The following COL20A1 variants were observed in gnomAD, a reference collection of about 807,000 sequenced individuals.
The protein encoded by COL20A1 is collagen type XX alpha 1 chain.
Under a neutral mutation model 152.9 loss-of-function variants are expected in COL20A1, and 164 were observed. That is an observed-to-expected ratio of 1.07 (90% CI 0.94 to 1.22). The LOEUF (loss-of-function observed/expected upper bound fraction) is 1.22, where lower values mean the gene tolerates loss of function less well. COL20A1 is among the 50% of genes most tolerant of loss of function. The pLI, the probability that COL20A1 is intolerant of heterozygous loss-of-function variation, is 0.00. For missense variants in COL20A1, 1,873 were observed against 1,744.8 expected (o/e 1.07, Z -1.31); for synonymous variants, 864 against 756.0 (o/e 1.14, Z -2.34).
chr20:63,320,269 A>G, intron 24 of COL20A1, 22 bp from the exon 25 acceptor site: 1 of 1,607,822 alleles, frequency 6.2e-7, no homozygotes, highest in Non-Finnish European at 8.5e-7. Flanking sequence ...CCCGGGGCTG[A>G]GCCGGCTCCC....
intron 27 of COL20A1, among the ~76,000 whole-genome samples, chr20:63,323,859 T>C (rs2068205297): frequency 6.6e-6 from 1 of 151,436 alleles, no homozygotes; most frequent in South Asian, 2.1e-4. Context: ...CAGTGAACTG[T>C]AGAATCGACT....
rs750394568 is a variant in COL20A1 at position 63,297,920 on chromosome 20, C to T, written c.93C>T (p.Leu31=). 3.7e-6 allele frequency: 6 copies of T among 1,613,364 alleles called. No homozygotes were observed. In the East Asian group the frequency reaches 1.1e-4, roughly 30 times the overall value. The part of the protein sequence containing the change: ...LGREQVQASG[L]LRLAVLPEDR... ...GTCCTGTTTCTGTAGCAAGCGGTCT[C>T]CTGAGGCTGGCTGTGCTGCCTGAGG... The change falls in exon 3 of 36, where the codon CTC becomes CTT. Residue 31 remains leucine, a synonymous_variant. Coordinates refer to ENST00000358894, the MANE Select transcript of COL20A1 (RefSeq NM_020882.4).
intron 31 of COL20A1, 28 bp from the exon 32 acceptor site, chr20:63,327,924 A>G (rs759160477): frequency 4.4e-6 from 7 of 1,579,942 alleles, no homozygotes; most frequent in Non-Finnish European, 4.3e-6. Context: ...ATCTCTGCTG[A>G]CTTCTTTTCT....
At chr20:63,299,006 TTCTC>T (rs1379916431) in intron 3 of COL20A1, among the ~76,000 whole-genome samples, 2 of 152,236 alleles carry the variant, frequency 1.3e-5, no homozygotes, top group Non-Finnish European at 2.9e-5. Flanking sequence ...TTTCAGAACA[TTCTC>T]TAAGTGGAAT....
intron 15 of COL20A1, 62 bp from the exon 16 acceptor site, chr20:63,312,730 C>T: frequency 6.7e-7 from 1 of 1,485,270 alleles, no homozygotes; most frequent in Non-Finnish European, 9.0e-7. Context: ...TGTGGCTGCC[C>T]CTCCTCTGAG....
At chr20:63,302,840 G>A (rs184864329) in intron 3 of COL20A1, among the ~76,000 whole-genome samples, 146 of 152,224 alleles carry the variant, frequency 9.6e-4, no homozygotes, top group Middle Eastern at 6.8e-3. Flanking sequence ...CGTTTAGCTC[G>A]CTCCTTCGTC....
chr20:63,314,288 C>T, intron 19 of COL20A1, 87 bp downstream of exon 19: 1 of 1,232,570 alleles, frequency 8.1e-7, no homozygotes, highest in South Asian at 1.4e-5. Flanking sequence ...CAGACTCATC[C>T]AACCCCAGAC....
chr20:63,321,974 A>C (rs1456887182), intron 26 of COL20A1, 84 bp from the exon 27 acceptor site: 1 of 1,138,284 alleles, frequency 8.8e-7, no homozygotes, highest in Non-Finnish European at 1.2e-6. Flanking sequence ...AGGGTGGGCC[A>C]GGCATGGGGC....
intron 27 of COL20A1, among the ~76,000 whole-genome samples, chr20:63,322,409 T>A (rs950912163): frequency 1.3e-4 from 20 of 152,302 alleles, no homozygotes; most frequent in African/African-American, 4.8e-4. Flanking sequence ...AATCTGAGGC[T>A]TGGGGAGGTG....
intron 21 of COL20A1, among the ~76,000 whole-genome samples, chr20:63,318,832 T>A (rs1027642803): frequency 5.3e-5 from 8 of 151,150 alleles, no homozygotes; most frequent in Admixed American, 1.3e-4. Flanking sequence ...TGTGGCCTCA[T>A]AGACCCTCAG....
In COL20A1 at chr20:63,305,284, C is replaced by T. The variant is rs776029403; in HGVS notation, c.194-133C>T. ...CATGTCCCTTCCATCAGACCCTCTCCCTTTCTGTCTCTCTGGCTTCAAGGG... is the reference window on the plus strand; with the variant it reads ...CATGTCCCTTCCATCAGACCCTCTCTCTTTCTGTCTCTCTGGCTTCAAGGG... On this transcript the variant is annotated intron_variant, in intron 3 of 35. Coordinates refer to ENST00000358894, the MANE Select transcript of COL20A1 (RefSeq NM_020882.4). The surrounding 1 kb of genome is among the most constrained non-coding windows in gnomAD (Gnocchi z 4.9). 80 of 648,958 alleles carry T rather than the reference C, an allele frequency of 1.2e-4. No homozygotes were observed. The highest frequency in any genetic ancestry group is 1.8e-4 in the Non-Finnish European group (74 of 416,956). The allele number at this position is 648,958 out of a possible 1,614,324, so 40.2% of individuals were successfully genotyped here.
rs909524476 is a variant in COL20A1, at chr20:63,311,099, C to T, written c.1394-295C>T. Among the ~76,000 whole-genome samples, 1 of 152,034 alleles carries T rather than the reference C, an allele frequency of 6.6e-6. No homozygotes were observed. Among genetic ancestry groups the T allele is most frequent in the Non-Finnish European group, 1.5e-5 (1 of 67,996 alleles). ...GACGTTTCCTGCAGGTGGAATCACA[C>T]AGTGCAGACTTTTGTGTCTGGGTGT... On this transcript the variant is annotated intron_variant, in intron 11 of 35. Coordinates refer to ENST00000358894, the MANE Select transcript of COL20A1 (RefSeq NM_020882.4). This position sits in a 1 kb window ranked among gnomAD's most constrained non-coding sequence, Gnocchi z 4.4.
At position 63,331,578 on chromosome 20, in the gene COL20A1, AT is replaced by A. The variant is rs777709149; in HGVS notation, c.*863del. ...TGTGTGAGCCTGGACTTCCTGCCTT[AT>A]CCCCACTGTGGCCCAAACAGCATGG... On this transcript the variant is annotated 3_prime_UTR_variant, in exon 36 of 36. Coordinates refer to ENST00000358894, the MANE Select transcript of COL20A1 (RefSeq NM_020882.4). 1 of 152,308 alleles carries A rather than the reference AT, an allele frequency of 6.6e-6. No individual in the cohort carries two copies. Among genetic ancestry groups the A allele is most frequent in the Non-Finnish European group, 1.5e-5 (1 of 68,100 alleles). 9.4% of individuals were successfully genotyped at this position (152,308 alleles called of 1,614,324 possible).
chr20:63,334,535 G>C lies in COL20A1; in HGVS notation c.*3819G>C, dbSNP rs543522063. ...TGGGCTCAAGTGGTCCTCCTGCTCC[G>C]GTCTTCTGAGTAGCAGGAACCACAG... On this transcript the variant is annotated 3_prime_UTR_variant, in exon 36 of 36. Transcript: ENST00000358894. 6.6e-6 allele frequency: 1 copy of C among 152,158 alleles called. No individual in the cohort carries two copies. The highest frequency in any genetic ancestry group is 1.5e-5 in the Non-Finnish European group (1 of 68,040). The allele number at this position is 152,158 out of a possible 1,614,324, so 9.4% of individuals were successfully genotyped here.
intron 27 of COL20A1, chr20:63,324,264 A>G (rs2068211030): frequency 6.6e-6 from 1 of 152,258 alleles, no homozygotes; most frequent in African/African-American, 2.4e-5. Context: ...CATCACCTGC[A>G]AATAAACACT....
chr20:63,309,848 C>T lies in COL20A1; in HGVS notation c.1196C>T (p.Pro399Leu), dbSNP rs757055637. Residue 399 changes from proline (P) to leucine (L), a missense_variant, in exon 10 of 36, where the codon CCA (proline) becomes CTA (leucine). Coordinates refer to ENST00000358894, the MANE Select transcript of COL20A1 (RefSeq NM_020882.4). ...TSSSIRLSWT[P>L]APRHPLKYLI... The stretch of plus-strand genomic sequence containing the variant: ...TCCAGCATCCGCCTGTCCTGGACTC[C>T]AGCCCCCCGGCACCCCCTCAAGTAT... 7 of 1,611,364 alleles carry T rather than the reference C, an allele frequency of 4.3e-6. No individual in the cohort carries two copies. The East Asian group carries it at 1.1e-4, about 26-fold the overall frequency.
rs113209090 is a variant in COL20A1 at position 63,328,233 on chromosome 20, T to A, written c.3614-98T>A. ...GGCCGAGGGAGGCCGCCTTCACCCA[T>A]CGTTAGCACACCTGGGCCAGGTGTC... is the stretch of plus-strand genomic sequence containing the variant. On this transcript the variant is annotated intron_variant, in intron 33 of 35. Coordinates refer to ENST00000358894, the MANE Select transcript of COL20A1 (RefSeq NM_020882.4). The A allele has an allele frequency of 8.3e-3, 12,949 of 1,550,844 alleles. 759 individuals carry two copies. The African/African-American group carries it at 0.14, about 16-fold the overall frequency.
chr20:63,329,967 T>C (rs2068310852), intron 35 of COL20A1, among the ~76,000 whole-genome samples: 1 of 152,128 alleles, frequency 6.6e-6, no homozygotes, highest in Admixed American at 6.5e-5. Context: ...AGTTGCGTGC[T>C]GGGGCGGAGG....
Position 63,311,477 on chromosome 20 carries a change from G to A in COL20A1, c.1477G>A (p.Ala493Thr). The A allele has an allele frequency of 6.3e-7, 1 of 1,576,986 alleles. No individual in the cohort carries two copies. The highest frequency in any genetic ancestry group is 8.6e-7 in the Non-Finnish European group (1 of 1,161,970). The change falls in exon 12 of 36, where the codon GCC becomes ACC. Residue 493 changes from alanine to threonine, a missense_variant. By Grantham distance (58) the Ala-to-Thr change is moderately conservative (BLOSUM62 0). Coordinates refer to ENST00000358894, the MANE Select transcript of COL20A1 (RefSeq NM_020882.4). This position sits in a 1 kb window ranked among gnomAD's most constrained non-coding sequence, Gnocchi z 4.4. Reference protein sequence around the residue: ...VHLTWQPSAGATHYLVRCSPA... With the variant: ...VHLTWQPSAGTTHYLVRCSPA... Reference sequence around the variant, plus strand: ...CCTCACCTGGCAGCCCTCGGCCGGGGCCACCCACTACCTGGTGCGATGTTC... The same window carrying A: ...CCTCACCTGGCAGCCCTCGGCCGGGACCACCCACTACCTGGTGCGATGTTC...
Sources: gnomAD v4.1 joint callset for allele counts (sites outside exome capture counted in the v4.1 genomes callset) on GRCh38, gnomAD v4.1.1 for gene constraint, Gnocchi (gnomAD v3.1) non-coding constraint, MANE v1.5 for transcripts, NCBI Gene and HGNC (gene_info 2026-07-23, HGNC 2026-07-21) for gene names.